TRIM35: variants seen among roughly 807,000 people sequenced by gnomAD.
The protein encoded by TRIM35 is tripartite motif containing 35.
A neutral mutation model predicts 49.1 loss-of-function variants in TRIM35; 37 were observed. The observed-to-expected ratio is 0.75, with a 90% CI of 0.58 to 0.99. The LOEUF (loss-of-function observed/expected upper bound fraction) is 0.99. Ranked by LOEUF, TRIM35 falls within the 50% of genes least tolerant of loss-of-function variation. The pLI is 0.00. For missense variants in TRIM35, 648 were observed against 702.7 expected, an observed-to-expected ratio of 0.92 and a Z score of 0.88; for synonymous variants, 302 against 289.3, an observed-to-expected ratio of 1.04 and a Z score of -0.45.
At chr8:27,303,059 T>C (rs1182578195) in intron 1 of TRIM35, among the ~76,000 whole-genome samples, 3 of 152,234 alleles carry the variant, frequency 2.0e-5, no homozygotes, top group Non-Finnish European at 4.4e-5. Flanking sequence ...ATATTTGCTG[T>C]AAGTTTTTTT....
At chr8:27,298,887 A>G (rs1302603883) in intron 1 of TRIM35, among the ~76,000 whole-genome samples, 1 of 152,138 alleles carries the variant, frequency 6.6e-6, no homozygotes, top group Non-Finnish European at 1.5e-5. Flanking sequence ...TGTGGGCCAA[A>G]AGCTGGTTCA....
chr8:27,309,213 G>C (rs974274619), intron 1 of TRIM35, among the ~76,000 whole-genome samples: 1 of 152,086 alleles, frequency 6.6e-6, no homozygotes, highest in Non-Finnish European at 1.5e-5. Context: ...TCAGCACCTC[G>C]GCCAGCCAAA....
At chr8:27,297,991 A>C (rs1442965962) in intron 2 of TRIM35, among the ~76,000 whole-genome samples, 3 of 152,220 alleles carry the variant, frequency 2.0e-5, no homozygotes, top group Admixed American at 1.3e-4. Flanking sequence ...AGAATGCACA[A>C]GAATGAAAGC....
intron 1 of TRIM35, among the ~76,000 whole-genome samples, chr8:27,303,983 C>T (rs1409039133): frequency 6.6e-6 from 1 of 152,162 alleles, no homozygotes; most frequent in African/African-American, 2.4e-5. Context: ...CATGAGCCAC[C>T]GCGTCCAGCC....
intron 3 of TRIM35, among the ~76,000 whole-genome samples, chr8:27,290,383 G>A (rs770688362): frequency 3.3e-5 from 5 of 152,162 alleles, no homozygotes; most frequent in Non-Finnish European, 7.3e-5. Flanking sequence ...CGACAGTGTT[G>A]GGAGGAAAGG....
chr8:27,289,081 C>A, intron 5 of TRIM35, 81 bp downstream of exon 5: 1 of 1,176,516 alleles, frequency 8.5e-7, no homozygotes, highest in South Asian at 1.3e-5. Context: ...GTGGGCCCGG[C>A]AGAGACCAGC....
In TRIM35 at chr8:27,288,019, C is replaced by T. The variant is rs775565401; in HGVS notation, c.1013G>A (p.Arg338His). The T allele has an allele frequency of 5.6e-6, 9 of 1,613,514 alleles. No homozygotes were observed. Among genetic ancestry groups the T allele is most frequent in the African/African-American group, 2.7e-5 (2 of 74,934 alleles). ...GYRVQVENPERFSSAPCLLGS... is the reference protein window; with the variant it reads ...GYRVQVENPEHFSSAPCLLGS... The stretch of plus-strand genomic sequence containing the variant: ...CAGCAGGCAGGGCGCCGAGGAGAAG[C>T]GTTCCGGGTTCTCCACCTGCACGCG... Residue 338 changes from arginine (R) to histidine (H), a missense_variant, in exon 6 of 6, where the codon CGC (arginine) becomes CAC (histidine). Arg to His is a conservative substitution (Grantham distance 29). Transcript: ENST00000305364.
chr8:27,304,457 C>T (rs997123990), intron 1 of TRIM35, among the ~76,000 whole-genome samples: 3 of 152,198 alleles, frequency 2.0e-5, no homozygotes, highest in Non-Finnish European at 2.9e-5. Flanking sequence ...CTCCAGGAAG[C>T]CCCCCGATCT....
intron 1 of TRIM35, 37 bp downstream of exon 1, chr8:27,310,764 C>G: frequency 6.5e-7 from 1 of 1,538,408 alleles, no homozygotes; most frequent in Middle Eastern, 2.0e-4. Flanking sequence ...GGGTTCCAGA[C>G]CCGGCTCGGC....
chr8:27,290,028 G>A, intron 4 of TRIM35, 128 bp downstream of exon 4: 1 of 1,043,148 alleles, frequency 9.6e-7, no homozygotes, highest in Non-Finnish European at 1.4e-6. Context: ...CTAAAACCAG[G>A]GCCAGTAGCT....
Position 27,287,776 on chromosome 8 carries a change from G to A in TRIM35, c.1256C>T (p.Pro419Leu), listed in dbSNP as rs1374307466. 2.5e-6 allele frequency: 4 copies of A among 1,610,236 alleles called. No individual in the cohort carries two copies. Among genetic ancestry groups the A allele is most frequent in the Non-Finnish European group, 3.4e-6 (4 of 1,178,640 alleles). ...HCVTSDPATS[P>L]LVLAIPRRLR... ...GCGGCGTGGGATGGCCAGGACCAGG[G>A]GCGACGTGGCTGGGTCCGAGGTCAC... Residue 419 changes from proline to leucine, a missense_variant, in exon 6 of 6, where the codon CCC becomes CTC. Pro to Leu is a moderately conservative substitution (Grantham distance 98, BLOSUM62 -3). Coordinates refer to ENST00000305364, the MANE Select transcript of TRIM35 (RefSeq NM_171982.5). The surrounding 1 kb of genome is among the most constrained non-coding windows in gnomAD (Gnocchi z 6.0).
chr8:27,290,554 C>T (rs528701546), intron 3 of TRIM35, among the ~76,000 whole-genome samples: 1 of 152,330 alleles, frequency 6.6e-6, no homozygotes, highest in East Asian at 1.9e-4. Flanking sequence ...AGATGACCCA[C>T]ACCAAATGCC....
At chr8:27,295,502 GA>G (rs1802547705) in intron 2 of TRIM35, among the ~76,000 whole-genome samples, 1 of 152,186 alleles carries the variant, frequency 6.6e-6, no homozygotes, top group African/African-American at 2.4e-5. Context: ...TCAAAGCAAT[GA>G]ATACACCTAA....
intron 1 of TRIM35, among the ~76,000 whole-genome samples, chr8:27,308,829 C>T (rs1802841185): frequency 6.6e-6 from 1 of 152,194 alleles, no homozygotes; most frequent in South Asian, 2.1e-4. Context: ...TCTGCTAAAA[C>T]CCCCAGCTGC....
chr8:27,294,029 G>T, intron 3 of TRIM35, 51 bp downstream of exon 3: 1 of 1,574,544 alleles, frequency 6.4e-7, no homozygotes. Flanking sequence ...GCTCCCAGCT[G>T]GTCCTGGAAC....
Position 27,294,098 on chromosome 8 carries a change from G to A in TRIM35, c.744C>T (p.Asp248=), listed in dbSNP as rs147594770. The A allele has an allele frequency of 8.1e-4, 1,312 of 1,614,042 alleles. 2 individuals are homozygous for A. The highest frequency in any genetic ancestry group is 3.1e-3 in the Middle Eastern group (19 of 6,062). ...IERLQMEMKE[D]DVSFLMKHKS... Reference sequence around the variant, plus strand: ...TCCTTACCATGAGAAAAGAAACGTCGTCCTCCTTCATCTCCATCTGCAGCC... The same window carrying A: ...TCCTTACCATGAGAAAAGAAACGTCATCCTCCTTCATCTCCATCTGCAGCC... The change falls in exon 3 of 6, where the codon GAC becomes GAT. Residue 248 remains aspartate, a synonymous_variant. Coordinates refer to ENST00000305364, the MANE Select transcript of TRIM35 (RefSeq NM_171982.5).
intron 1 of TRIM35, among the ~76,000 whole-genome samples, chr8:27,299,930 CT>C (rs1802649414): frequency 6.6e-6 from 1 of 152,202 alleles, no homozygotes; most frequent in Non-Finnish European, 1.5e-5. Context: ...AAATCCCCTC[CT>C]CTGTGGGTGA....
intron 1 of TRIM35, among the ~76,000 whole-genome samples, chr8:27,303,063 T>A (rs947786416): frequency 5.9e-5 from 9 of 152,198 alleles, no homozygotes; most frequent in Non-Finnish European, 8.8e-5. Flanking sequence ...TTGCTGTAAG[T>A]TTTTTTGCTA....
intron 1 of TRIM35, 54 bp downstream of exon 1, chr8:27,310,747 G>A (rs775173725): frequency 1.4e-4 from 210 of 1,521,828 alleles, no homozygotes; most frequent in Non-Finnish European, 1.8e-4. Flanking sequence ...CAGAGCCAAG[G>A]GATTCCGGGT....
Sources: gnomAD v4.1 joint callset for allele counts (sites outside exome capture counted in the v4.1 genomes callset) on GRCh38, gnomAD v4.1.1 for gene constraint, Gnocchi (gnomAD v3.1) non-coding constraint, MANE v1.5 for transcripts, NCBI Gene and HGNC (gene_info 2026-07-23, HGNC 2026-07-21) for gene names.